APBA2: variants seen among roughly 807,000 people sequenced by gnomAD.
APBA2 encodes the protein amyloid-beta A4 precursor protein-binding family A member 2.
In APBA2, 30 loss-of-function variants were observed where a neutral mutation model predicts 75.0. That is an observed-to-expected ratio of 0.40 (90% CI 0.30 to 0.54). The LOEUF is 0.54. Among genes scored for constraint, APBA2 ranks in the 20% least tolerant of loss-of-function variants. The pLI, the probability that APBA2 is intolerant of heterozygous loss-of-function variation, is 0.49. For synonymous variants in APBA2, 444 were observed against 409.6 expected (o/e 1.08, Z -1.01); for missense variants, 801 against 1,016.1 (o/e 0.79, Z 2.88).
At chr15:29,037,961 T>G (rs2040829418) in intron 3 of APBA2, among the ~76,000 whole-genome samples, 1 of 152,162 alleles carries the variant, frequency 6.6e-6, no homozygotes, top group South Asian at 2.1e-4. Flanking sequence ...CTCTTAATAC[T>G]GTTATAATGG....
chr15:28,961,653 G>A (rs1017289688), intron 2 of APBA2: 3 of 152,268 alleles, frequency 2.0e-5, no homozygotes, highest in African/African-American at 7.2e-5. Flanking sequence ...CCGGGCGGGT[G>A]ACTGAGGCGC....
At position 29,094,277 on chromosome 15, in the gene APBA2, G is replaced by C; in HGVS notation, c.1216-1G>C. On this transcript the variant is annotated splice_acceptor_variant, in intron 7 of 14. Transcript: ENST00000683413. LOFTEE classifies it high-confidence loss of function. ...TTTTCTTTTCTCTTCCATGCTGTCAGAGGATGCAAAAGGCTGCTAAGATCA... is the reference window on the plus strand; with the variant it reads ...TTTTCTTTTCTCTTCCATGCTGTCACAGGATGCAAAAGGCTGCTAAGATCA... 1 of 1,614,224 alleles carries C rather than the reference G, an allele frequency of 6.2e-7. No individual in the cohort carries two copies. Among genetic ancestry groups the C allele is most frequent in the Non-Finnish European group, 8.5e-7 (1 of 1,180,028 alleles).
At chr15:28,952,313 T>C (rs906416409) in intron 2 of APBA2, among the ~76,000 whole-genome samples, 4 of 151,980 alleles carry the variant, frequency 2.6e-5, no homozygotes, top group Non-Finnish European at 5.9e-5. Context: ...GAGGATTGCT[T>C]GAGCCCAGGA....
At chr15:29,008,428 A>G (rs889510942) in intron 3 of APBA2, among the ~76,000 whole-genome samples, 2 of 152,102 alleles carry the variant, frequency 1.3e-5, no homozygotes, top group Admixed American at 6.5e-5. Context: ...TTTTCTTACA[A>G]CGGAAAGGAC....
intron 4 of APBA2, among the ~76,000 whole-genome samples, chr15:29,072,081 C>T (rs1283062843): frequency 6.6e-6 from 1 of 152,174 alleles, no homozygotes; most frequent in African/African-American, 2.4e-5. Context: ...TATCTGGCCG[C>T]CTGATGAGAG....
intron 12 of APBA2, among the ~76,000 whole-genome samples, chr15:29,107,699 C>T (rs1375477719): frequency 6.6e-6 from 1 of 152,150 alleles, no homozygotes; most frequent in East Asian, 1.9e-4. Context: ...GCTGCAGCTC[C>T]CAGGTGGAGG....
intron 3 of APBA2, among the ~76,000 whole-genome samples, chr15:29,050,107 G>A (rs1270149876): frequency 1.3e-5 from 2 of 152,168 alleles, no homozygotes; most frequent in African/African-American, 4.8e-5. Flanking sequence ...CTCTAAGAGT[G>A]GAGAGGAAAT....
At chr15:29,059,012 A>G (rs1227359718) in intron 4 of APBA2, among the ~76,000 whole-genome samples, 3 of 152,186 alleles carry the variant, frequency 2.0e-5, no homozygotes, top group Non-Finnish European at 4.4e-5. Context: ...AACTTGCTAA[A>G]ATTGATTTGT....
At chr15:28,951,881 CTTTTTTT>C (rs71414600) in intron 2 of APBA2, among the ~76,000 whole-genome samples, 1 of 109,822 alleles carries the variant, frequency 9.1e-6, no homozygotes, top group Admixed American at 9.4e-5. Context: ...TGCACTCAGC[CTTTTTTT>C]TTTTTTTTTT....
intron 13 of APBA2, among the ~76,000 whole-genome samples, chr15:29,113,555 T>G (rs1252114901): frequency 6.6e-6 from 1 of 152,070 alleles, no homozygotes; most frequent in Non-Finnish European, 1.5e-5. Flanking sequence ...GGAGGCCAGG[T>G]GGCAGTGGCC....
intron 1 of APBA2, among the ~76,000 whole-genome samples, chr15:28,902,291 C>T (rs530068478): frequency 1.1e-4 from 17 of 152,188 alleles, no homozygotes; most frequent in Admixed American, 7.8e-4. Context: ...ATCCGTCCTC[C>T]CCCAAATCCG....
intron 2 of APBA2, among the ~76,000 whole-genome samples, chr15:28,936,514 A>G (rs1047596610): frequency 3.3e-5 from 5 of 151,922 alleles, no homozygotes; most frequent in Non-Finnish European, 7.4e-5. Flanking sequence ...CGTAGTCCCC[A>G]GTGTATTTCG....
chr15:28,949,748 CGT>C (rs1250659514), intron 2 of APBA2, among the ~76,000 whole-genome samples: 1 of 152,174 alleles, frequency 6.6e-6, no homozygotes, highest in African/African-American at 2.4e-5. Flanking sequence ...GGATTTCAGG[CGT>C]GAGTTACCAC....
At chr15:28,940,564 AAAAAAAAAAAG>A (rs2035159390) in intron 2 of APBA2, among the ~76,000 whole-genome samples, 1 of 144,682 alleles carries the variant, frequency 6.9e-6, no homozygotes, top group African/African-American at 2.6e-5. Flanking sequence ...AAAAAAAAGA[AAAAAAAAAAAG>A]AAAAGAAAAA....
intron 4 of APBA2, among the ~76,000 whole-genome samples, chr15:29,056,216 C>T (rs1273546542): frequency 6.6e-6 from 1 of 152,148 alleles, no homozygotes; most frequent in East Asian, 1.9e-4. Context: ...TTCATGCTAA[C>T]CAGATGGTAA....
At chr15:29,091,723 G>A (rs1331550568) in intron 6 of APBA2, among the ~76,000 whole-genome samples, 8 of 152,184 alleles carry the variant, frequency 5.3e-5, no homozygotes, top group Non-Finnish European at 1.5e-5. Context: ...TTGAAGTGGT[G>A]GATGGCAGCG....
chr15:29,055,495 C>G (rs1353273638), intron 4 of APBA2, among the ~76,000 whole-genome samples: 1 of 152,166 alleles, frequency 6.6e-6, no homozygotes, highest in South Asian at 2.1e-4. Context: ...TTCTAATAAA[C>G]ACATTTGAAA....
rs951511637 is a variant in APBA2 at position 28,962,319 on chromosome 15, C to T, written c.-94-33434C>T. 4.6e-5 allele frequency among the ~76,000 whole-genome samples: 7 copies of T among 151,520 alleles called. 1 individual carries two copies. The highest frequency in any genetic ancestry group is 1.3e-4 in the Admixed American group (2 of 15,218). On this transcript the variant is annotated intron_variant, in intron 2 of 14. Transcript: ENST00000683413. ...GGGCGCGGTGGCTCACGCCTGTAAT[C>T]CCAGCACTTTGGGATGCAGAGGTGG...
chr15:28,921,161 C>A (rs930887758), intron 1 of APBA2, among the ~76,000 whole-genome samples: 1 of 152,178 alleles, frequency 6.6e-6, no homozygotes, highest in Non-Finnish European at 1.5e-5. Flanking sequence ...TCTCAGGCAG[C>A]ATTTTGTACT....
Sources: allele counts gnomAD v4.1 joint callset (sites outside exome capture counted in the v4.1 genomes callset), GRCh38; gene constraint gnomAD v4.1.1; transcripts MANE v1.5; gene names NCBI Gene and HGNC (gene_info 2026-07-23, HGNC 2026-07-21).